PLEKHG1: variants seen among roughly 807,000 people sequenced by gnomAD.
PLEKHG1 encodes pleckstrin homology and RhoGEF domain containing G1.
A neutral mutation model predicts 100.8 loss-of-function variants in PLEKHG1; 44 were observed. That is an observed-to-expected ratio of 0.44 (90% CI 0.34 to 0.56). The LOEUF (loss-of-function observed/expected upper bound fraction) is 0.56. Among genes scored for constraint, PLEKHG1 ranks in the 20% least tolerant of loss-of-function variants. PLEKHG1 has a pLI of 0.01. For synonymous variants in PLEKHG1, 640 were observed against 662.5 expected (o/e 0.97, Z 0.52); for missense variants, 1,545 against 1,720.9 (o/e 0.90, Z 1.81).
intron 1 of PLEKHG1, among the ~76,000 whole-genome samples, chr6:150,610,321 C>G (rs1048822526): frequency 1.3e-5 from 2 of 152,158 alleles, no homozygotes; most frequent in Admixed American, 1.3e-4. Context: ...AGGCTGGTCC[C>G]GAACTCCCGA....
exon 16 of PLEKHG1, chr6:150,840,751 T>G (rs1192026502): frequency 6.2e-7 from 1 of 1,614,208 alleles, no homozygotes; most frequent in Non-Finnish European, 8.5e-7. Context: ...AACAGCAAAC[T>G]TGGCCTTTCA....
chr6:150,718,790 C>T (rs1781540079), upstream of PLEKHG1, among the ~76,000 whole-genome samples: 1 of 151,860 alleles, frequency 6.6e-6, no homozygotes, highest in Non-Finnish European at 1.5e-5. Context: ...TCTTTTCCTT[C>T]CTGCTAGTAT....
chr6:150,701,334 AT>A (rs1326627006), intron 3 of PLEKHG1, among the ~76,000 whole-genome samples: 77 of 146,122 alleles, frequency 5.3e-4, no homozygotes, highest in Non-Finnish European at 9.3e-4. Flanking sequence ...AAAAAAAAAA[AT>A]GTATTGATAG....
intron 1 of PLEKHG1, among the ~76,000 whole-genome samples, chr6:150,636,212 C>A (rs1320350510): frequency 6.6e-6 from 1 of 151,914 alleles, no homozygotes; most frequent in African/African-American, 2.4e-5. Flanking sequence ...CATGAAAAGA[C>A]CTCTATTTTG....
chr6:150,764,518 C>T (rs973389079), intron 2 of PLEKHG1, among the ~76,000 whole-genome samples: 92 of 152,332 alleles, frequency 6.0e-4, no homozygotes, highest in African/African-American at 1.9e-3. Context: ...TGACCTGTCC[C>T]GGCCCCCATT....
In PLEKHG1 at chr6:150,650,783, A is replaced by G. The variant is rs1273778511; in HGVS notation, c.-102A>G. 1.3e-5 allele frequency: 2 copies of G among 152,246 alleles called. No individual in the cohort carries two copies. The highest frequency in any genetic ancestry group is 2.9e-5 in the Non-Finnish European group (2 of 68,040). The allele number at this position is 152,246 out of a possible 1,614,324, so 9.4% of individuals were successfully genotyped here. On this transcript the variant is annotated 5_prime_UTR_variant, in exon 3 of 4. In the 5' UTR this introduces an upstream ATG that the reference lacks. Transcript: ENST00000367326. ...AAGACATTGAAAAGGTTTCAACTAT[A>G]AAAGTGAGCTCTTTTCATTTTTTTG...
chr6:150,707,481 C>T lies in PLEKHG1; in HGVS notation c.-98-26103C>T, dbSNP rs80353867. On this transcript the variant is annotated intron_variant, in intron 3 of 3. Coordinates refer to the PLEKHG1 transcript ENST00000367326. ...CCAGGCAGATCATATAAAGGAGTGG[C>T]GGAGGACAGGTGTAATATGAAAGGG... 1.9e-3 allele frequency among the ~76,000 whole-genome samples: 282 copies of T among 152,106 alleles called. 9 individuals are homozygous for T. The East Asian group carries it at 0.042, about 23-fold the overall frequency.
At chr6:150,797,337 T>C (rs1221506099) in intron 5 of PLEKHG1, among the ~76,000 whole-genome samples, 1 of 152,080 alleles carries the variant, frequency 6.6e-6, no homozygotes, top group Non-Finnish European at 1.5e-5. Context: ...TGTTCCCCAC[T>C]GTCAGGAGTA....
intron 1 of PLEKHG1, among the ~76,000 whole-genome samples, chr6:150,610,100 C>T (rs1034315019): frequency 2.6e-5 from 4 of 151,930 alleles, no homozygotes; most frequent in Non-Finnish European, 4.4e-5. Context: ...TTAGCTCTTT[C>T]CTTCTTTCCT....
At chr6:150,603,775 C>T (rs1776470905) in intron 1 of PLEKHG1, among the ~76,000 whole-genome samples, 1 of 152,070 alleles carries the variant, frequency 6.6e-6, no homozygotes, top group Non-Finnish European at 1.5e-5. Context: ...ATTGAATTAC[C>T]GTTTGATGGA....
chr6:150,665,071 C>T (rs559454110), intron 3 of PLEKHG1, among the ~76,000 whole-genome samples: 4 of 152,028 alleles, frequency 2.6e-5, no homozygotes, highest in African/African-American at 9.6e-5. Context: ...ATTTAGTGCC[C>T]GAGTTAAATA....
At chr6:150,741,301 G>A (rs1782843238) in intron 2 of PLEKHG1, among the ~76,000 whole-genome samples, 1 of 152,178 alleles carries the variant, frequency 6.6e-6, no homozygotes, top group Admixed American at 6.5e-5. Context: ...AAGAGTTCAT[G>A]TGTACTTTGT....
chr6:150,730,579 G>T (rs891241820), intron 1 of PLEKHG1, among the ~76,000 whole-genome samples: 1 of 152,066 alleles, frequency 6.6e-6, no homozygotes, highest in Non-Finnish European at 1.5e-5. Flanking sequence ...CTGACAGGCC[G>T]TGGACCGGTA....
upstream of PLEKHG1, among the ~76,000 whole-genome samples, chr6:150,720,328 A>C (rs1781613164): frequency 6.6e-6 from 1 of 152,184 alleles, no homozygotes; most frequent in Non-Finnish European, 1.5e-5. Flanking sequence ...AAAACCCAAA[A>C]TAATTGGAAG....
Position 150,804,591 on chromosome 6 carries a change from T to A in PLEKHG1, c.781-19T>A. 2.0e-6 allele frequency: 3 copies of A among 1,481,234 alleles called. No homozygotes were observed. The highest frequency in any genetic ancestry group is 2.7e-6 in the Non-Finnish European group (3 of 1,102,460). 91.8% of individuals were successfully genotyped at this position (1,481,234 alleles called of 1,614,324 possible). On this transcript the variant is annotated intron_variant, in intron 6 of 15. Transcript: ENST00000358517. Reference sequence around the variant, plus strand: ...AATAAAATGAAAAAAAAAAAAACCCTCGTTCTTTTTTGTTTAAGGAAATAG... The same window carrying A: ...AATAAAATGAAAAAAAAAAAAACCCACGTTCTTTTTTGTTTAAGGAAATAG...
At chr6:150,739,869 C>T (rs899068698) in intron 2 of PLEKHG1, among the ~76,000 whole-genome samples, 1 of 152,098 alleles carries the variant, frequency 6.6e-6, no homozygotes, top group South Asian at 2.1e-4. Flanking sequence ...ATTGAGTGAT[C>T]GTACAGACAG....
chr6:150,677,018 A>T (rs550129501), intron 3 of PLEKHG1, among the ~76,000 whole-genome samples: 73 of 151,808 alleles, frequency 4.8e-4, no homozygotes, highest in Non-Finnish European at 8.4e-4. Flanking sequence ...ATCAATTCTC[A>T]AACTATAGGC....
At chr6:150,813,071 G>C (rs995067235) in intron 10 of PLEKHG1, among the ~76,000 whole-genome samples, 22 of 151,926 alleles carry the variant, frequency 1.4e-4, no homozygotes, top group African/African-American at 4.8e-5. Flanking sequence ...TTTGGGAGGC[G>C]GAGGCGGGCA....
Position 150,600,723 on chromosome 6 carries a change from C to G in PLEKHG1, c.-204+706C>G, listed in dbSNP as rs1338687476. 1.3e-5 allele frequency: 2 copies of G among 152,364 alleles called. No individual in the cohort carries two copies. Among genetic ancestry groups the G allele is most frequent in the African/African-American group, 4.8e-5 (2 of 41,478 alleles). The allele number at this position is 152,364 out of a possible 1,614,324, so 9.4% of individuals were successfully genotyped here. A position where few individuals can be genotyped will look rare whatever the true frequency, so the allele number is the denominator to read the frequency against. On this transcript the variant is annotated intron_variant, in intron 1 of 3. Transcript: ENST00000367326. The surrounding 1 kb of genome is among the most constrained non-coding windows in gnomAD (Gnocchi z 6.2). ...GGCGGCGGGGAACCGCAGTGATGCCCGAGCTCGCCCCTTTTGTGTCCTCGC... is the reference window on the plus strand; with the variant it reads ...GGCGGCGGGGAACCGCAGTGATGCCGGAGCTCGCCCCTTTTGTGTCCTCGC...
Sources: allele counts gnomAD v4.1 joint callset (sites outside exome capture counted in the v4.1 genomes callset), GRCh38; gene constraint gnomAD v4.1.1; non-coding constraint Gnocchi (gnomAD v3.1); transcripts MANE v1.5; gene names NCBI Gene and HGNC (gene_info 2026-07-23, HGNC 2026-07-21).